ESR2: variants seen among roughly 807,000 people sequenced by gnomAD.
ESR2 encodes the protein estrogen receptor 2, also known as estrogen receptor beta.
A neutral mutation model predicts 49.6 loss-of-function variants in ESR2; 36 were observed. The ratio of observed to expected loss-of-function variants is 0.73; its 90% CI spans 0.56 to 0.96. The LOEUF is 0.96. Ranked by LOEUF, ESR2 falls within the 40% of genes least tolerant of loss-of-function variation. ESR2 has a pLI of 0.00. For missense variants in ESR2, 714 were observed against 693.0 expected, an observed-to-expected ratio of 1.03 and a Z score of -0.34; for synonymous variants, 320 against 266.1, an observed-to-expected ratio of 1.20 and a Z score of -1.97.
chr14:64,238,909 G>A (rs2075664227), intron 7 of ESR2, among the ~76,000 whole-genome samples: 1 of 152,186 alleles, frequency 6.6e-6, no homozygotes, highest in Non-Finnish European at 1.5e-5. Context: ...GACATTCTGA[G>A]CAGCACAGTG....
chr14:64,255,337 T>C (rs1266156590), intron 6 of ESR2, among the ~76,000 whole-genome samples: 1 of 151,958 alleles, frequency 6.6e-6, no homozygotes, highest in Non-Finnish European at 1.5e-5. Flanking sequence ...CAGAATACAA[T>C]GAATGAATGA....
At chr14:64,323,755 G>A (rs376366082) in intron 1 of ESR2, among the ~76,000 whole-genome samples, 12 of 151,990 alleles carry the variant, frequency 7.9e-5, no homozygotes, top group African/African-American at 2.4e-4. Flanking sequence ...GCAGTGGCAC[G>A]ATCTCAGCTC....
chr14:64,257,097 G>A, intron 6 of ESR2, 129 bp downstream of exon 6: 1 of 827,834 alleles, frequency 1.2e-6, no homozygotes. Flanking sequence ...CAGTGAAGGA[G>A]CTGATGATGC....
At chr14:64,316,357 G>T (rs28871406) in intron 1 of ESR2, among the ~76,000 whole-genome samples, 21,246 of 151,890 alleles carry the variant, frequency 0.14, 2,000 homozygotes, top group African/African-American at 0.26. Flanking sequence ...CTCCATATCC[G>T]GATGGTCTCA....
At chr14:64,315,462 T>C (rs2077242525) in intron 1 of ESR2, among the ~76,000 whole-genome samples, 1 of 151,886 alleles carries the variant, frequency 6.6e-6, no homozygotes, top group Non-Finnish European at 1.5e-5. Context: ...GTAGGTTATC[T>C]TTTTTTAATG....
chr14:64,296,040 T>A (rs2076953401), upstream of ESR2, among the ~76,000 whole-genome samples: 1 of 85,026 alleles, frequency 1.2e-5, no homozygotes, highest in African/African-American at 6.5e-5. Context: ...CGAGACTCTG[T>A]CTCAAAAAAA....
rs750705148 is a variant in ESR2, at chr14:64,233,147, T to A, written c.1583A>T (p.Gln528Leu). Residue 528 changes from glutamine (Q) to leucine (L), a missense_variant, in exon 9 of 9, where the codon CAG becomes CTG. By Grantham distance (113) the Gln-to-Leu change is moderately radical. Coordinates refer to ENST00000341099, the MANE Select transcript of ESR2 (RefSeq NM_001437.3). ...CCTCAGGGCCAGGCGTCACTGAGACTGTGGGTTCTGGGAGCCCTCTTTGCT... is the reference window on the plus strand; with the variant it reads ...CCTCAGGGCCAGGCGTCACTGAGACAGTGGGTTCTGGGAGCCCTCTTTGCT... The part of the protein sequence containing the change: ...SKSKEGSQNP[Q>L]SQ 3 of 1,613,392 alleles carry A rather than the reference T, an allele frequency of 1.9e-6. No homozygotes were observed. The highest frequency in any genetic ancestry group is 2.5e-6 in the Non-Finnish European group (3 of 1,179,532).
intron 3 of ESR2, among the ~76,000 whole-genome samples, chr14:64,277,138 C>T (rs2076571878): frequency 6.6e-6 from 1 of 152,134 alleles, no homozygotes; most frequent in South Asian, 2.1e-4. Flanking sequence ...TGCTCCATAA[C>T]CCAGTAGAGA....
At position 64,230,034 on chromosome 14, in the gene ESR2, C is replaced by T. The variant is rs2140589766; in HGVS notation, c.*3103G>A. Among the ~76,000 whole-genome samples, 1 of 151,784 alleles carries T rather than the reference C, an allele frequency of 6.6e-6. No individual in the cohort carries two copies. The highest frequency in any genetic ancestry group is 1.9e-4 in the East Asian group (1 of 5,152). On this transcript the variant is annotated 3_prime_UTR_variant, in exon 9 of 9. Transcript: ENST00000341099. Reference sequence around the variant, plus strand: ...TCTCTACAAATATTAAAAGAATTAGCCAGGAGTGGTGGTGTGCACCCCAGC... The same window carrying T: ...TCTCTACAAATATTAAAAGAATTAGTCAGGAGTGGTGGTGTGCACCCCAGC...
intron 1 of ESR2, among the ~76,000 whole-genome samples, chr14:64,292,917 G>A (rs1440139250): frequency 2.0e-5 from 3 of 152,152 alleles, no homozygotes; most frequent in Admixed American, 2.0e-4. Flanking sequence ...CATGTTAATT[G>A]ATTTCAGAAA....
intron 7 of ESR2, among the ~76,000 whole-genome samples, chr14:64,242,720 G>C (rs1487687113): frequency 6.6e-6 from 1 of 152,096 alleles, no homozygotes; most frequent in African/African-American, 2.4e-5. Flanking sequence ...AGTAATGCTG[G>C]CCTCACAGAA....
intron 3 of ESR2, among the ~76,000 whole-genome samples, chr14:64,270,990 C>G (rs1031999183): frequency 6.6e-6 from 1 of 152,198 alleles, no homozygotes; most frequent in Non-Finnish European, 1.5e-5. Context: ...GTTTTTCAAG[C>G]TTTCTAAGGC....
intron 4 of ESR2, among the ~76,000 whole-genome samples, chr14:64,268,188 GAA>G (rs1232523982): frequency 5.9e-5 from 9 of 152,186 alleles, no homozygotes; most frequent in African/African-American, 1.9e-4. Flanking sequence ...AAATACATGT[GAA>G]TATATGTATG....
At chr14:64,256,858 G>T (rs2076109554) in intron 6 of ESR2, among the ~76,000 whole-genome samples, 1 of 152,086 alleles carries the variant, frequency 6.6e-6, no homozygotes, top group South Asian at 2.1e-4. Flanking sequence ...GATATAATTG[G>T]TCACTATAGG....
At chr14:64,283,129 G>A (rs1426058466) in intron 1 of ESR2, 54 bp from the exon 2 acceptor site, 1 of 694,080 alleles carries the variant, frequency 1.4e-6, no homozygotes. Context: ...TGTTAACTAT[G>A]AAAATTTAAA....
At position 64,230,425 on chromosome 14, in the gene ESR2, G is replaced by T. The variant is rs1234745756; in HGVS notation, c.*2712C>A. On this transcript the variant is annotated 3_prime_UTR_variant, in exon 9 of 9. Coordinates refer to ENST00000341099, the MANE Select transcript of ESR2 (RefSeq NM_001437.3). ...ATGGCTCTGCCAAGTATTGGTAACT[G>T]ATTTTTCTTCCTTACTGAAATCTAA... Among the ~76,000 whole-genome samples the T allele has an allele frequency of 6.6e-6, 1 of 152,040 alleles. No individual in the cohort carries two copies. The highest frequency in any genetic ancestry group is 1.5e-5 in the Non-Finnish European group (1 of 68,004).
intron 3 of ESR2, among the ~76,000 whole-genome samples, chr14:64,272,455 C>G (rs1246660144): frequency 6.6e-6 from 1 of 152,146 alleles, no homozygotes; most frequent in Non-Finnish European, 1.5e-5. Context: ...GGTATTATTA[C>G]TCAAGAAATA....
chr14:64,288,534 G>A (rs1002752739), intron 1 of ESR2, among the ~76,000 whole-genome samples: 4 of 151,856 alleles, frequency 2.6e-5, no homozygotes, highest in Admixed American at 2.6e-4. Context: ...TTTTTTAGTA[G>A]AGACGGGGTT....
In ESR2 at chr14:64,230,400, A is replaced by T. The variant is rs2098726069; in HGVS notation, c.*2737T>A. 6.6e-6 allele frequency among the ~76,000 whole-genome samples: 1 copy of T among 152,242 alleles called. No individual in the cohort carries two copies. Among genetic ancestry groups the T allele is most frequent in the South Asian group, 2.1e-4 (1 of 4,812 alleles). The stretch of plus-strand genomic sequence containing the variant: ...ACATAAATATATATGGATATATAAT[A>T]TGGCTCTGCCAAGTATTGGTAACTG... On this transcript the variant is annotated 3_prime_UTR_variant, in exon 9 of 9. Transcript: ENST00000341099.
Sources: allele counts gnomAD v4.1 joint callset (sites outside exome capture counted in the v4.1 genomes callset), GRCh38; gene constraint gnomAD v4.1.1; transcripts MANE v1.5; gene names NCBI Gene and HGNC (gene_info 2026-07-23, HGNC 2026-07-21).